CCDC85C: variants seen among roughly 807,000 people sequenced by gnomAD.
CCDC85C encodes coiled-coil domain-containing protein 85C.
In CCDC85C, 18 loss-of-function variants were observed where a neutral mutation model predicts 38.3. That is an observed-to-expected ratio of 0.47 (90% CI 0.33 to 0.70). CCDC85C has a LOEUF of 0.70. Among genes scored for constraint, CCDC85C ranks in the 30% least tolerant of loss-of-function variants. The pLI is 0.03. For synonymous variants in CCDC85C, 264 were observed against 293.8 expected, an observed-to-expected ratio of 0.90 and a Z score of 1.04; for missense variants, 566 against 621.2, an observed-to-expected ratio of 0.91 and a Z score of 0.94.
chr14:99,537,644 G>A (rs1897629906), intron 1 of CCDC85C, among the ~76,000 whole-genome samples: 1 of 152,126 alleles, frequency 6.6e-6, no homozygotes, highest in Admixed American at 6.5e-5. Flanking sequence ...TTCTAGAGAG[G>A]AGAGAAGGGC....
At chr14:99,564,409 C>T (rs1353630308) in intron 1 of CCDC85C, among the ~76,000 whole-genome samples, 4 of 152,248 alleles carry the variant, frequency 2.6e-5, no homozygotes, top group African/African-American at 9.6e-5. Context: ...GCCCACCTTG[C>T]AGCATGTTAG....
In CCDC85C at chr14:99,508,411, G is replaced by A. The variant is rs1342654342; in HGVS notation, c.*6835C>T. The A allele has an allele frequency of 6.6e-6, 1 of 152,332 alleles. No homozygotes were observed. Among genetic ancestry groups the A allele is most frequent in the Admixed American group, 6.5e-5 (1 of 15,292 alleles). The allele number at this position is 152,332 out of a possible 1,614,324, so 9.4% of individuals were successfully genotyped here. ...GCTGCTACCTCCAGGGCACTGAGTAGCTGCTGTGGAGGCCTCAGAGCTCTG... is the reference window on the plus strand; with the variant it reads ...GCTGCTACCTCCAGGGCACTGAGTAACTGCTGTGGAGGCCTCAGAGCTCTG... On this transcript the variant is annotated 3_prime_UTR_variant, in exon 6 of 6. Transcript: ENST00000380243.
intron 1 of CCDC85C, among the ~76,000 whole-genome samples, chr14:99,568,682 C>T (rs1229710192): frequency 6.6e-6 from 1 of 152,120 alleles, no homozygotes; most frequent in Non-Finnish European, 1.5e-5. Flanking sequence ...GGGCCTCGCT[C>T]GGGGCAGGAG....
At position 99,522,204 on chromosome 14, in the gene CCDC85C, C is replaced by T. The variant is rs1475770210; in HGVS notation, c.904G>A (p.Gly302Ser). Residue 302 changes from glycine to serine, a missense_variant, in exon 3 of 6, where the codon GGC becomes AGC. This residue lies in a region of CCDC85C where 286 missense variants were observed against 276.4 expected (regional missense o/e 1.03). Transcript: ENST00000380243. ...GSGEFRTLRK[G>S]FSPYHSESQL... ...GACTCCGAGTGGTAGGGCGAGAAGC[C>T]TTTCCGCAGCGTGCGGAACTCTCCG... 1.9e-6 allele frequency: 3 copies of T among 1,550,558 alleles called. No individual in the cohort carries two copies. The East Asian group carries it at 7.3e-5, about 38-fold the overall frequency.
chr14:99,602,348 T>G (rs4905864), intron 1 of CCDC85C, among the ~76,000 whole-genome samples: 144,814 of 152,274 alleles, frequency 0.95, 69,286 homozygotes, highest in East Asian at 1. Context: ...GAGGCCAAAG[T>G]TCCTCCCACC....
chr14:99,517,077 G>C lies in CCDC85C; in HGVS notation c.1071+11C>G. 1 of 1,549,776 alleles carries C rather than the reference G, an allele frequency of 6.5e-7. No individual in the cohort carries two copies. The highest frequency in any genetic ancestry group is 1.4e-5 in the African/African-American group (1 of 73,152). The stretch of plus-strand genomic sequence containing the variant: ...CTGAGGACTTCTGAGGGAGCGGGTA[G>C]TGGCCCTCACCTTCATGGCATGCAC... On this transcript the variant is annotated intron_variant, in intron 4 of 5. Coordinates refer to ENST00000380243, the MANE Select transcript of CCDC85C (RefSeq NM_001144995.2).
chr14:99,517,583 T>A (rs185294062), intron 3 of CCDC85C, among the ~76,000 whole-genome samples: 1 of 152,166 alleles, frequency 6.6e-6, no homozygotes, highest in Non-Finnish European at 1.5e-5. Flanking sequence ...CCCTGGCACC[T>A]GACTCCAAAC....
At chr14:99,540,940 C>T (rs1897700996) in intron 1 of CCDC85C, among the ~76,000 whole-genome samples, 3 of 152,216 alleles carry the variant, frequency 2.0e-5, no homozygotes, top group African/African-American at 7.2e-5. Context: ...GGGACCAGGA[C>T]TCACTGGCCT....
At position 99,520,369 on chromosome 14, in the gene CCDC85C, G is replaced by A. The variant is rs370681245; in HGVS notation, c.975+1764C>T. Among the ~76,000 whole-genome samples the A allele has an allele frequency of 1.2e-4, 18 of 151,916 alleles. No individual in the cohort carries two copies. The highest frequency in any genetic ancestry group is 1.0e-3 in the South Asian group (5 of 4,814). ...AGCAGCCACTTCTCCAGGCTTCATC[G>A]GCCCCTCCCACGAGATACCTTGACC... On this transcript the variant is annotated intron_variant, in intron 3 of 5. Transcript: ENST00000380243. This position sits in a 1 kb window ranked among gnomAD's most constrained non-coding sequence, Gnocchi z 4.1.
intron 1 of CCDC85C, among the ~76,000 whole-genome samples, chr14:99,597,939 A>G (rs1305045054): frequency 6.6e-6 from 1 of 152,242 alleles, no homozygotes; most frequent in Non-Finnish European, 1.5e-5. Context: ...TCGAGACATT[A>G]TTAGCCTCAG....
intron 2 of CCDC85C, among the ~76,000 whole-genome samples, chr14:99,526,254 T>A (rs1313034084): frequency 6.6e-6 from 1 of 152,176 alleles, no homozygotes; most frequent in Non-Finnish European, 1.5e-5. Flanking sequence ...GGGAGGGGCC[T>A]ACATCCACCC....
chr14:99,564,498 T>C (rs1898177236), intron 1 of CCDC85C, among the ~76,000 whole-genome samples: 1 of 152,238 alleles, frequency 6.6e-6, no homozygotes, highest in South Asian at 2.1e-4. Flanking sequence ...CCCTATTGAG[T>C]TGCACGACAC....
intron 1 of CCDC85C, among the ~76,000 whole-genome samples, chr14:99,594,204 G>C (rs1170145013): frequency 6.6e-6 from 1 of 152,144 alleles, no homozygotes; most frequent in Non-Finnish European, 1.5e-5. Context: ...GACTGGGAGA[G>C]AGACAGGACA....
Position 99,507,002 on chromosome 14 carries a change from T to A in CCDC85C, c.*8244A>T, listed in dbSNP as rs1391614914. ...TTTCTCCCAAAGAAATCTCTGCCAGTACATTTTTCTTTATGACATGCTTAT... is the reference window on the plus strand; with the variant it reads ...TTTCTCCCAAAGAAATCTCTGCCAGAACATTTTTCTTTATGACATGCTTAT... On this transcript the variant is annotated 3_prime_UTR_variant, in exon 6 of 6. Coordinates refer to ENST00000380243, the MANE Select transcript of CCDC85C (RefSeq NM_001144995.2). 2.2e-6 allele frequency: 2 copies of A among 903,384 alleles called. No homozygotes were observed. The highest frequency in any genetic ancestry group is 2.4e-5 in the East Asian group (1 of 41,670). The allele number at this position is 903,384 out of a possible 1,614,324, so 56.0% of individuals were successfully genotyped here. A position where few individuals can be genotyped will look rare whatever the true frequency, so the allele number is the denominator to read the frequency against.
chr14:99,601,671 C>T (rs1019270609), intron 1 of CCDC85C, among the ~76,000 whole-genome samples: 2 of 152,194 alleles, frequency 1.3e-5, no homozygotes, highest in African/African-American at 2.4e-5. Flanking sequence ...GTGCTCTGAA[C>T]AGCCCCAGCA....
Position 99,545,112 on chromosome 14 carries a change from C to T in CCDC85C, c.794-9024G>A, listed in dbSNP as rs975942306. Among the ~76,000 whole-genome samples, 1 of 152,200 alleles carries T rather than the reference C, an allele frequency of 6.6e-6. No individual in the cohort carries two copies. Among genetic ancestry groups the T allele is most frequent in the Non-Finnish European group, 1.5e-5 (1 of 68,046 alleles). ...AAATCTCCTGGTGCTGGCCGGTCAG[C>T]CTTCCCCAGTGAGTGCACGCCTGTC... On this transcript the variant is annotated intron_variant, in intron 1 of 5. Transcript: ENST00000380243. This position sits in a 1 kb window ranked among gnomAD's most constrained non-coding sequence, Gnocchi z 4.7.
intron 1 of CCDC85C, among the ~76,000 whole-genome samples, chr14:99,554,298 T>A (rs1006243317): frequency 1.3e-5 from 2 of 148,222 alleles, no homozygotes; most frequent in African/African-American, 5.0e-5. Flanking sequence ...GGCACTGCAC[T>A]TCTAACCAGA....
chr14:99,596,152 C>T (rs377559023), intron 1 of CCDC85C, among the ~76,000 whole-genome samples: 15 of 152,330 alleles, frequency 9.8e-5, no homozygotes, highest in South Asian at 8.3e-4. Context: ...CCGGCTCTCC[C>T]GGGCCTGGCA....
At chr14:99,525,426 C>T (rs2139904488) in intron 2 of CCDC85C, among the ~76,000 whole-genome samples, 1 of 152,314 alleles carries the variant, frequency 6.6e-6, no homozygotes, top group Non-Finnish European at 1.5e-5. Context: ...CCACCCACCC[C>T]AGCCTGCCCA....
Sources: allele counts gnomAD v4.1 joint callset (sites outside exome capture counted in the v4.1 genomes callset), GRCh38; gene constraint gnomAD v4.1.1; regional missense constraint gnomAD v4.1.1; non-coding constraint Gnocchi (gnomAD v3.1); transcripts MANE v1.5; gene names NCBI Gene and HGNC (gene_info 2026-07-23, HGNC 2026-07-21).